GRTP1: variants seen among roughly 807,000 people sequenced by gnomAD.
The protein encoded by GRTP1 is growth hormone regulated TBC protein 1, also known as growth hormone-regulated TBC protein 1.
Under a neutral mutation model 38.1 loss-of-function variants are expected in GRTP1, and 56 were observed. The ratio of observed to expected loss-of-function variants is 1.47; its 90% CI spans 1.19 to 1.84. The LOEUF is 1.84. Ranked by LOEUF, GRTP1 falls within the 40% of genes most tolerant of loss-of-function variation. The pLI is 0.00. For missense variants in GRTP1, 506 were observed against 453.9 expected, an observed-to-expected ratio of 1.11 and a Z score of -1.04; for synonymous variants, 217 against 189.5, an observed-to-expected ratio of 1.14 and a Z score of -1.19.
At chr13:113,346,233 C>T (rs36134299) in intron 4 of GRTP1, among the ~76,000 whole-genome samples, 1,498 of 51,444 alleles carry the variant, frequency 0.029, 97 homozygotes, top group Non-Finnish European at 0.033. Context: ...TGAGAACAGA[C>T]CCGGGAGGAC....
At chr13:113,339,541 T>C (rs1465437858) in intron 5 of GRTP1, 1 of 152,246 alleles carries the variant, frequency 6.6e-6, no homozygotes, top group Non-Finnish European at 1.5e-5. Flanking sequence ...TTTTCTTCCA[T>C]ACAGTCAACT....
chr13:113,337,640 A>G (rs1345524958), intron 5 of GRTP1, among the ~76,000 whole-genome samples: 1 of 152,238 alleles, frequency 6.6e-6, no homozygotes, highest in Non-Finnish European at 1.5e-5. Flanking sequence ...TGAGGCCCAC[A>G]GGTCTGGTGA....
At position 113,364,036 on chromosome 13, in the gene GRTP1, G is replaced by T; in HGVS notation, c.16C>A (p.Arg6Ser). The T allele has an allele frequency of 1.5e-6, 2 of 1,292,288 alleles. No homozygotes were observed. Among genetic ancestry groups the T allele is most frequent in the Non-Finnish European group, 9.8e-7 (1 of 1,024,370 alleles). The allele number at this position is 1,292,288 out of a possible 1,614,324, so 80.1% of individuals were successfully genotyped here. MQPAE[R>S]SRVPRIDPYG... Reference sequence around the variant, plus strand: ...GCCACACACCTGGGGACCCGCGAGCGCTCGGCGGGCTGCATGCGGGGAGGG... The same window carrying T: ...GCCACACACCTGGGGACCCGCGAGCTCTCGGCGGGCTGCATGCGGGGAGGG... The change falls in exon 1 of 8, where the codon CGC (arginine) becomes AGC (serine). Residue 6 changes from arginine to serine, a missense_variant. Physicochemically the swap from Arg to Ser is moderately radical, Grantham distance 110. Transcript: ENST00000375431.
chr13:113,344,006 C>G, intron 5 of GRTP1, among the ~76,000 whole-genome samples: 1 of 152,168 alleles, frequency 6.6e-6, no homozygotes, highest in East Asian at 1.9e-4. Context: ...AATAAATACA[C>G]TTTAATTATT....
intron 5 of GRTP1, among the ~76,000 whole-genome samples, chr13:113,339,102 C>CA (rs1290828043): frequency 6.6e-6 from 1 of 151,962 alleles, no homozygotes; most frequent in African/African-American, 2.4e-5. Flanking sequence ...TTAGTAGAGA[C>CA]AGAGTTTTAC....
intron 4 of GRTP1, among the ~76,000 whole-genome samples, chr13:113,346,192 CTGAGAG>C (rs1566429500): frequency 5.9e-5 from 8 of 135,642 alleles, no homozygotes; most frequent in Non-Finnish European, 7.8e-5. Flanking sequence ...ACCTCTGTGG[CTGAGAG>C]CAGACCCGGG....
In GRTP1 at chr13:113,344,915, A is replaced by G; in HGVS notation, c.510T>C (p.Asn170=). 6.2e-7 allele frequency: 1 copy of G among 1,602,036 alleles called. No individual in the cohort carries two copies. The highest frequency in any genetic ancestry group is 8.5e-7 in the Non-Finnish European group (1 of 1,175,566). Residue 170 remains asparagine (N), a synonymous_variant, in exon 5 of 8, where the codon AAT becomes AAC. Transcript: ENST00000375431. ...CTAACAGCCAAAAAGATTCTTCTTCATTATTTGTTATAAGAATCAGATATC... is the reference window on the plus strand; with the variant it reads ...CTAACAGCCAAAAAGATTCTTCTTCGTTATTTGTTATAAGAATCAGATATC... ...IAGYLILITN[N]EEESFWLLDA...
intron 5 of GRTP1, among the ~76,000 whole-genome samples, chr13:113,333,947 G>A (rs1351717523): frequency 6.7e-6 from 1 of 150,196 alleles, no homozygotes; most frequent in Non-Finnish European, 1.5e-5. Context: ...CAACTCTCCT[G>A]CCTCAGCCTC....
Position 113,324,287 on chromosome 13 carries a change from A to G in GRTP1, c.*201T>C. The G allele has an allele frequency of 1.5e-6, 1 of 689,156 alleles. No individual in the cohort carries two copies. Among genetic ancestry groups the G allele is most frequent in the East Asian group, 3.3e-5 (1 of 29,854 alleles). The allele number at this position is 689,156 out of a possible 1,614,324, so 42.7% of individuals were successfully genotyped here. A position where few individuals can be genotyped will look rare whatever the true frequency, so the allele number is the denominator to read the frequency against. On this transcript the variant is annotated 3_prime_UTR_variant, in exon 8 of 8. Coordinates refer to ENST00000375431, the MANE Select transcript of GRTP1 (RefSeq NM_024719.4). ...CAGGTAAAAATAAGTTTTCTTTAAAAAGTATGACTTCATAGCTAATCATCA... is the reference window on the plus strand; with the variant it reads ...CAGGTAAAAATAAGTTTTCTTTAAAGAGTATGACTTCATAGCTAATCATCA...
At chr13:113,333,024 C>T (rs1437127658) in intron 5 of GRTP1, among the ~76,000 whole-genome samples, 1 of 152,232 alleles carries the variant, frequency 6.6e-6, no homozygotes, top group Admixed American at 6.5e-5. Flanking sequence ...GACATAAAGC[C>T]AAGGGACCAG....
chr13:113,336,452 A>T (rs58986515), intron 5 of GRTP1, among the ~76,000 whole-genome samples: 1 of 152,082 alleles, frequency 6.6e-6, no homozygotes, highest in East Asian at 1.9e-4. Flanking sequence ...GCACTAGGAA[A>T]GGCCAACTTG....
chr13:113,350,150 C>A (rs1166154828), intron 4 of GRTP1, among the ~76,000 whole-genome samples: 2 of 152,120 alleles, frequency 1.3e-5, no homozygotes, highest in Non-Finnish European at 2.9e-5. Context: ...AACAGCACCA[C>A]CAGCGACAGG....
intron 5 of GRTP1, among the ~76,000 whole-genome samples, chr13:113,326,871 G>C (rs933749520): frequency 1.3e-5 from 2 of 152,234 alleles, no homozygotes; most frequent in Non-Finnish European, 2.9e-5. Flanking sequence ...GAGGAAGTCA[G>C]GCCACAGCAG....
chr13:113,350,007 C>T (rs1261540242), intron 4 of GRTP1, among the ~76,000 whole-genome samples: 2 of 152,124 alleles, frequency 1.3e-5, no homozygotes, highest in African/African-American at 4.8e-5. Context: ...ATCCCGGTGG[C>T]AGCCGTGGGC....
At chr13:113,331,138 G>C (rs2042864905) in intron 5 of GRTP1, among the ~76,000 whole-genome samples, 1 of 152,140 alleles carries the variant, frequency 6.6e-6, no homozygotes, top group Non-Finnish European at 1.5e-5. Context: ...GCCTAGGTGT[G>C]TGCATGGGAA....
At position 113,325,990 on chromosome 13, in the gene GRTP1, G is replaced by C; in HGVS notation, c.664C>G (p.Leu222Val). 1 of 1,613,892 alleles carries C rather than the reference G, an allele frequency of 6.2e-7. No individual in the cohort carries two copies. Among genetic ancestry groups the C allele is most frequent in the Non-Finnish European group, 8.5e-7 (1 of 1,179,976 alleles). The change falls in exon 6 of 8, where the codon CTC becomes GTC. Residue 222 changes from leucine (L) to valine (V), a missense_variant. Leu to Val is a conservative substitution (Grantham distance 32, BLOSUM62 1). Transcript: ENST00000375431. ...LPAVGALMER[L>V]GVLWTLLVSR... ...ACCAGCAGCGTCCACAGCACACCGA[G>C]ACGCTCCATCAGGGCCCCCACAGCC...
chr13:113,352,546 C>T (rs1300654416), intron 3 of GRTP1, among the ~76,000 whole-genome samples: 1 of 151,226 alleles, frequency 6.6e-6, no homozygotes, highest in Non-Finnish European at 1.5e-5. Context: ...GGCTAATTTA[C>T]GTATTGTTTT....
At chr13:113,347,444 G>A (rs1280636730) in intron 4 of GRTP1, among the ~76,000 whole-genome samples, 1 of 100,402 alleles carries the variant, frequency 1.0e-5, no homozygotes, top group African/African-American at 5.5e-5. Context: ...CTGTGGCTGA[G>A]AGCAGACCCA....
In GRTP1 at chr13:113,324,450, G is replaced by A. The variant is rs376477615; in HGVS notation, c.*38C>T. ...AGTGTCAACTCTGGAAAGGGGCATC[G>A]TCAGTGTAGAGACGAGCAACGCAGG... is the stretch of plus-strand genomic sequence containing the variant. On this transcript the variant is annotated 3_prime_UTR_variant, in exon 8 of 8. Transcript: ENST00000375431. The A allele has an allele frequency of 1.8e-5, 27 of 1,528,692 alleles. No individual in the cohort carries two copies. The highest frequency in any genetic ancestry group is 4.3e-5 in the Admixed American group (2 of 46,162). 94.7% of individuals were successfully genotyped at this position (1,528,692 alleles called of 1,614,324 possible).
Sources: allele counts gnomAD v4.1 joint callset (sites outside exome capture counted in the v4.1 genomes callset), GRCh38; gene constraint gnomAD v4.1.1; transcripts MANE v1.5; gene names NCBI Gene and HGNC (gene_info 2026-07-23, HGNC 2026-07-21).